The following RAD51B variants were observed in gnomAD, a reference collection of about 807,000 sequenced individuals.
The protein encoded by RAD51B is DNA repair protein RAD51 homolog 2.
A neutral mutation model predicts 42.2 loss-of-function variants in RAD51B; 38 were observed. The ratio of observed to expected loss-of-function variants is 0.90; its 90% CI spans 0.70 to 1.18. The LOEUF (loss-of-function observed/expected upper bound fraction) is 1.18. Among genes scored for constraint, RAD51B ranks in the 50% most tolerant of loss-of-function variants. The pLI is 0.00. For missense variants in RAD51B, 373 were observed against 400.7 expected (o/e 0.93, Z 0.59); for synonymous variants, 154 against 145.2 (o/e 1.06, Z -0.43).
chr14:68,370,767 G>A (rs761552879), intron 8 of RAD51B, among the ~76,000 whole-genome samples: 12 of 152,206 alleles, frequency 7.9e-5, no homozygotes, highest in Non-Finnish European at 1.5e-4. Context: ...AGAATTGGCC[G>A]GGCGCAGTGG....
intron 5 of RAD51B, among the ~76,000 whole-genome samples, chr14:67,875,147 T>A (rs976261846): frequency 6.6e-6 from 1 of 152,172 alleles, no homozygotes; most frequent in African/African-American, 2.4e-5. Flanking sequence ...GAAGTGGATA[T>A]TCCTGAGTTG....
intron 8 of RAD51B, chr14:68,387,177 G>A (rs2083612613): frequency 2.0e-5 from 3 of 152,194 alleles, no homozygotes; most frequent in African/African-American, 4.8e-5. Context: ...ACCCTGAGAT[G>A]AAGCAGGAGG....
chr14:68,072,070 A>AT (rs1440869222), intron 7 of RAD51B, among the ~76,000 whole-genome samples: 1 of 104,702 alleles, frequency 9.6e-6, no homozygotes, highest in African/African-American at 5.0e-5. Context: ...TATTTATATA[A>AT]ATATATAAAT....
intron 7 of RAD51B, among the ~76,000 whole-genome samples, chr14:68,042,773 C>A (rs2076237930): frequency 6.6e-6 from 1 of 152,192 alleles, no homozygotes; most frequent in Non-Finnish European, 1.5e-5. Flanking sequence ...CAAGTCAGCA[C>A]TTTGTGCATG....
chr14:67,845,990 G>T (rs1426244288), intron 4 of RAD51B, among the ~76,000 whole-genome samples: 6 of 152,194 alleles, frequency 3.9e-5, no homozygotes, highest in African/African-American at 1.2e-4. Flanking sequence ...GGGCCCTTCA[G>T]GTTAGGAACC....
At chr14:68,328,523 G>A (rs183805624) in intron 8 of RAD51B, among the ~76,000 whole-genome samples, 184 of 152,266 alleles carry the variant, frequency 1.2e-3, no homozygotes, top group Non-Finnish European at 8.7e-4. Flanking sequence ...AGACACTGAG[G>A]GAGCTATGAA....
chr14:68,660,523 A>G (rs1244358236), intron 11 of RAD51B, among the ~76,000 whole-genome samples: 1 of 152,108 alleles, frequency 6.6e-6, no homozygotes, highest in Non-Finnish European at 1.5e-5. Context: ...GCCCTTGAGG[A>G]TTTACACTGT....
intron 9 of RAD51B, among the ~76,000 whole-genome samples, chr14:68,434,331 G>GC (rs753450084): frequency 1.3e-5 from 2 of 152,126 alleles, no homozygotes; most frequent in Admixed American, 6.5e-5. Flanking sequence ...GCTATGTCCT[G>GC]CCCCCCAGAG....
At chr14:68,094,491 T>G (rs759961235) in intron 7 of RAD51B, among the ~76,000 whole-genome samples, 8 of 152,180 alleles carry the variant, frequency 5.3e-5, no homozygotes, top group Non-Finnish European at 1.5e-5. Flanking sequence ...TTATGAAAAT[T>G]TAAAACACAC....
intron 7 of RAD51B, among the ~76,000 whole-genome samples, chr14:68,050,040 C>A (rs769905690): frequency 7.2e-5 from 11 of 152,090 alleles, no homozygotes; most frequent in Non-Finnish European, 1.3e-4. Flanking sequence ...TTATTTAAAT[C>A]TTTCTAATCT....
intron 8 of RAD51B, among the ~76,000 whole-genome samples, chr14:68,383,540 G>T (rs1013730016): frequency 1.5e-4 from 23 of 152,142 alleles, no homozygotes; most frequent in African/African-American, 5.6e-4. Flanking sequence ...CACTCCTTCA[G>T]GATATCCTCT....
At chr14:68,255,850 T>C (rs1311880983) in intron 7 of RAD51B, among the ~76,000 whole-genome samples, 1 of 152,200 alleles carries the variant, frequency 6.6e-6, no homozygotes, top group Non-Finnish European at 1.5e-5. Flanking sequence ...TTACAGCTAA[T>C]ATAAGCTGAA....
chr14:68,177,412 G>A (rs140942446), intron 7 of RAD51B, among the ~76,000 whole-genome samples: 91 of 152,258 alleles, frequency 6.0e-4, no homozygotes, highest in Non-Finnish European at 1.2e-3. Context: ...CAGTACCAGA[G>A]TGATCTAATT....
At chr14:68,149,446 A>G (rs1001028950) in intron 7 of RAD51B, among the ~76,000 whole-genome samples, 6 of 152,318 alleles carry the variant, frequency 3.9e-5, no homozygotes, top group African/African-American at 1.4e-4. Flanking sequence ...TGAAAAGACT[A>G]TCCTTCTGCA....
At chr14:67,858,731 A>G (rs1390881506) in intron 4 of RAD51B, among the ~76,000 whole-genome samples, 1 of 152,212 alleles carries the variant, frequency 6.6e-6, no homozygotes, top group African/African-American at 2.4e-5. Flanking sequence ...TTTGAACTGT[A>G]TCCGGCTTGG....
chr14:68,280,958 G>A (rs2081309394), intron 7 of RAD51B, among the ~76,000 whole-genome samples: 2 of 152,168 alleles, frequency 1.3e-5, no homozygotes, highest in Non-Finnish European at 1.5e-5. Context: ...TCTTGTGTCT[G>A]AGGTGGGAGG....
At chr14:68,362,040 G>A (rs988437900) in intron 8 of RAD51B, among the ~76,000 whole-genome samples, 11 of 152,164 alleles carry the variant, frequency 7.2e-5, no homozygotes, top group Non-Finnish European at 1.3e-4. Context: ...TGCTTCTGTA[G>A]ATCTAAGGTG....
At chr14:68,347,087 C>G (rs2082691600) in intron 8 of RAD51B, among the ~76,000 whole-genome samples, 2 of 151,028 alleles carry the variant, frequency 1.3e-5, no homozygotes, top group Non-Finnish European at 2.9e-5. Flanking sequence ...CTATAATCCT[C>G]AACACATTTT....
chr14:67,981,942 T>C (rs373690669), intron 7 of RAD51B, among the ~76,000 whole-genome samples: 5 of 152,170 alleles, frequency 3.3e-5, no homozygotes, highest in African/African-American at 9.7e-5. Context: ...ACTTTATTTA[T>C]TTATTTATTT....
Sources: gnomAD v4.1 joint callset for allele counts (sites outside exome capture counted in the v4.1 genomes callset) on GRCh38, gnomAD v4.1.1 for gene constraint, MANE v1.5 for transcripts, NCBI Gene and HGNC (gene_info 2026-07-23, HGNC 2026-07-21) for gene names.